MMP17: variants seen among roughly 807,000 people sequenced by gnomAD.
MMP17 encodes the protein matrix metalloproteinase-17.
In MMP17, 54 loss-of-function variants were observed where a neutral mutation model predicts 49.1. The ratio of observed to expected loss-of-function variants is 1.10; its 90% confidence interval spans 0.88 to 1.38. MMP17 has a LOEUF of 1.38. Ranked by LOEUF, MMP17 falls within the 40% of genes most tolerant of loss-of-function variation. MMP17 has a pLI of 0.00. For missense variants in MMP17, 837 were observed against 853.7 expected, an observed-to-expected ratio of 0.98 and a Z score of 0.24; for synonymous variants, 397 against 383.1, an observed-to-expected ratio of 1.04 and a Z score of -0.42.
At chr12:131,841,910 TC>T in intron 5 of MMP17, 110 bp downstream of exon 5, 2 of 1,237,316 alleles carry the variant, frequency 1.6e-6, no homozygotes, top group Non-Finnish European at 2.2e-6. Flanking sequence ...CGCTGTTCCC[TC>T]CACGGATGGT....
At position 131,850,076 on chromosome 12, in the gene MMP17, G is replaced by C. The variant is rs770120572; in HGVS notation, c.1462+17G>C. ...GGTCCGACGGTGAGTGCCAGCTGGG[G>C]GGACGGGCCATGCGGCCTTGGTTTC... On this transcript the variant is annotated intron_variant, in intron 9 of 9. Transcript: ENST00000360564. 6.3e-7 allele frequency: 1 copy of C among 1,596,862 alleles called. No homozygotes were observed. The highest frequency in any genetic ancestry group is 1.3e-5 in the African/African-American group (1 of 74,558).
intron 8 of MMP17, among the ~76,000 whole-genome samples, chr12:131,847,105 T>G (rs1887740874): frequency 7.8e-6 from 1 of 127,888 alleles, no homozygotes. Flanking sequence ...AGCAAGACCT[T>G]GTCTAAAAAA....
chr12:131,831,612 G>A (rs1465830881), intron 1 of MMP17, among the ~76,000 whole-genome samples: 2 of 151,516 alleles, frequency 1.3e-5, no homozygotes, highest in Non-Finnish European at 2.9e-5. Flanking sequence ...CATGAGAGAC[G>A]TCTGACTGTC....
At position 131,840,808 on chromosome 12, in the gene MMP17, G is replaced by A. The variant is rs368610189; in HGVS notation, c.658G>A (p.Gly220Arg). Reference protein sequence around the residue: ...AFFPGHHHTAGDTHFDDDEAW... With the variant: ...AFFPGHHHTARDTHFDDDEAW... ...CTTCCCCGGCCACCACCACACCGCC[G>A]GGGACACCCACTTTGACGATGACGA... is the stretch of plus-strand genomic sequence containing the variant. The change falls in exon 4 of 10, where the codon GGG becomes AGG. Residue 220 changes from glycine to arginine, a missense_variant. By Grantham distance (125) the Gly-to-Arg change is moderately radical. Coordinates refer to ENST00000360564, the MANE Select transcript of MMP17 (RefSeq NM_016155.7). The A allele has an allele frequency of 3.4e-5, 54 of 1,606,780 alleles. No homozygotes were observed. The highest frequency in any genetic ancestry group is 8.8e-5 in the South Asian group (8 of 91,006).
chr12:131,835,437 G>A (rs938365307), intron 1 of MMP17, among the ~76,000 whole-genome samples: 36 of 152,250 alleles, frequency 2.4e-4, no homozygotes, highest in Admixed American at 1.9e-3. Flanking sequence ...TGCCTGCCAG[G>A]CCCGGCTCCA....
At position 131,838,771 on chromosome 12, in the gene MMP17, G is replaced by C. The variant is rs369980808; in HGVS notation, c.422+30G>C. The C allele has an allele frequency of 3.4e-5, 52 of 1,527,026 alleles. No homozygotes were observed. The African/African-American group carries it at 6.7e-4, about 20-fold the overall frequency. The allele number at this position is 1,527,026 out of a possible 1,614,324, so 94.6% of individuals were successfully genotyped here. A position where few individuals can be genotyped will look rare whatever the true frequency, so the allele number is the denominator to read the frequency against. On this transcript the variant is annotated intron_variant, in intron 3 of 9. Coordinates refer to ENST00000360564, the MANE Select transcript of MMP17 (RefSeq NM_016155.7). ...GTGTGTGGCCAGGGTGAGGAGCGGGGCCTCCGTGGAGGTGGGCGCGTGGCC... is the reference window on the plus strand; with the variant it reads ...GTGTGTGGCCAGGGTGAGGAGCGGGCCCTCCGTGGAGGTGGGCGCGTGGCC...
At position 131,845,141 on chromosome 12, in the gene MMP17, G is replaced by T; in HGVS notation, c.992G>T (p.Arg331Ile). 6.2e-7 allele frequency: 1 copy of T among 1,610,708 alleles called. No homozygotes were observed. Among genetic ancestry groups the T allele is most frequent in the Non-Finnish European group, 8.5e-7 (1 of 1,179,304 alleles). Reference sequence around the variant, plus strand: ...AGGCCCAGGAAGGACGTGCCCCACAGATGCAGCACTCACTTTGACGCGGTG... The same window carrying T: ...AGGCCCAGGAAGGACGTGCCCCACATATGCAGCACTCACTTTGACGCGGTG... ...SAPPRKDVPH[R>I]CSTHFDAVAQ... is the part of the protein sequence containing the mutation. Residue 331 changes from arginine (R) to isoleucine (I), a missense_variant, in exon 7 of 10, where the codon AGA becomes ATA. By Grantham distance (97) the Arg-to-Ile change is moderately conservative. Coordinates refer to ENST00000360564, the MANE Select transcript of MMP17 (RefSeq NM_016155.7).
intron 8 of MMP17, among the ~76,000 whole-genome samples, chr12:131,849,182 T>C (rs1271035346): frequency 1.3e-5 from 2 of 152,116 alleles, no homozygotes; most frequent in African/African-American, 4.8e-5. Flanking sequence ...CTATATTTCT[T>C]GGGAGAAAAG....
chr12:131,831,865 G>A (rs1457298520), intron 1 of MMP17, among the ~76,000 whole-genome samples: 1 of 5,136 alleles, frequency 1.9e-4, no homozygotes. Context: ...GGAGAGGATC[G>A]GCGTGGGGGG....
At chr12:131,847,242 C>G (rs1385623731) in intron 8 of MMP17, among the ~76,000 whole-genome samples, 2 of 151,910 alleles carry the variant, frequency 1.3e-5, no homozygotes, top group Non-Finnish European at 1.5e-5. Flanking sequence ...GAAACCCCGT[C>G]TCTACTACAA....
At position 131,846,237 on chromosome 12, in the gene MMP17, A is replaced by G. The variant is rs1887697114; in HGVS notation, c.1204+788A>G. On this transcript the variant is annotated intron_variant, in intron 8 of 9. Coordinates refer to ENST00000360564, the MANE Select transcript of MMP17 (RefSeq NM_016155.7). The surrounding 1 kb of genome is among the most constrained non-coding windows in gnomAD (Gnocchi z 4.6). ...GGAGGCTGTCCCAGGCCTCTCCCAC[A>G]TCCAGTGTCACCCTCAGCCACATCC... Among the ~76,000 whole-genome samples, 1 of 152,040 alleles carries G rather than the reference A, an allele frequency of 6.6e-6. No homozygotes were observed. The highest frequency in any genetic ancestry group is 2.4e-5 in the African/African-American group (1 of 41,398).
chr12:131,844,926 G>GGTGGTCGCCGTATCATTAAAAAAAAAA, intron 6 of MMP17, 192 bp from the exon 7 acceptor site: 1 of 601,256 alleles, frequency 1.7e-6, no homozygotes, highest in Non-Finnish European at 3.0e-6. Context: ...CGTAGATCTC[G>GGTGGTCGCCGTATCATTAAAAAAAAAA]GCCCCCGCCC....
At position 131,845,160 on chromosome 12, in the gene MMP17, C is replaced by T. The variant is rs565947645; in HGVS notation, c.1011C>T (p.Asp337=). 7.8e-5 allele frequency: 126 copies of T among 1,614,062 alleles called. No homozygotes were observed. Among genetic ancestry groups the T allele is most frequent in the Admixed American group, 2.2e-4 (13 of 60,030 alleles). The change falls in exon 7 of 10, where the codon GAC becomes GAT. Residue 337 remains aspartate, a synonymous_variant. Transcript: ENST00000360564. Reference sequence around the variant, plus strand: ...CCCACAGATGCAGCACTCACTTTGACGCGGTGGCCCAGATCCGGGGTGAAG... The same window carrying T: ...CCCACAGATGCAGCACTCACTTTGATGCGGTGGCCCAGATCCGGGGTGAAG... The part of the protein sequence containing the change: ...DVPHRCSTHF[D]AVAQIRGEAF...
At chr12:131,844,939 T>TATCATTAAA in intron 6 of MMP17, 179 bp from the exon 7 acceptor site, 1 of 534,522 alleles carries the variant, frequency 1.9e-6, no homozygotes, top group Non-Finnish European at 3.3e-6. Context: ...CCCCGCCCGC[T>TATCATTAAA]GAAGCGGTGG....
Position 131,845,336 on chromosome 12 carries a change from T to G in MMP17, c.1091T>G (p.Val364Gly). The G allele has an allele frequency of 1.9e-6, 3 of 1,604,858 alleles. No homozygotes were observed. The highest frequency in any genetic ancestry group is 2.6e-6 in the Non-Finnish European group (3 of 1,175,508). The change falls in exon 8 of 10, where the codon GTG becomes GGG. Residue 364 changes from valine to glycine, a missense_variant. Coordinates refer to ENST00000360564, the MANE Select transcript of MMP17 (RefSeq NM_016155.7). The part of the protein sequence containing the change: ...FWRLTRDRHL[V>G]SLQPAQMHRF... The stretch of plus-strand genomic sequence containing the variant: ...CGGCTGACGCGGGACCGGCACCTGG[T>G]GTCCCTGCAGCCGGCACAGATGCAC...
chr12:131,844,342 A>G (rs906518967), intron 6 of MMP17: 1 of 512,042 alleles, frequency 2.0e-6, no homozygotes, highest in Admixed American at 4.1e-5. Flanking sequence ...CCATGTGACA[A>G]GCAGCCCAGC....
At chr12:131,850,216 T>C (rs1887905872) in intron 9 of MMP17, among the ~76,000 whole-genome samples, 157 bp downstream of exon 9, 1 of 152,116 alleles carries the variant, frequency 6.6e-6, no homozygotes, top group Admixed American at 6.5e-5. Flanking sequence ...CTGCCGACCC[T>C]GCAGGCGTCC....
At chr12:131,847,479 CA>C (rs1887771212) in intron 8 of MMP17, among the ~76,000 whole-genome samples, 1 of 152,044 alleles carries the variant, frequency 6.6e-6, no homozygotes, top group Non-Finnish European at 1.5e-5. Context: ...AAATTACTTG[CA>C]AACCTCATGA....
intron 9 of MMP17, 46 bp from the exon 10 acceptor site, chr12:131,850,879 C>A: frequency 7.2e-7 from 1 of 1,390,152 alleles, no homozygotes; most frequent in Non-Finnish European, 9.5e-7. Flanking sequence ...TCGAGCCCCT[C>A]CTGCTGCAGC....
Sources: gnomAD v4.1 joint callset for allele counts (sites outside exome capture counted in the v4.1 genomes callset) on GRCh38, gnomAD v4.1.1 for gene constraint, Gnocchi (gnomAD v3.1) non-coding constraint, MANE v1.5 for transcripts, NCBI Gene and HGNC (gene_info 2026-07-23, HGNC 2026-07-21) for gene names.